GPM6A: variants seen among roughly 807,000 people sequenced by gnomAD.
GPM6A encodes the protein glycoprotein M6A.
In GPM6A, 7 loss-of-function variants were observed where a neutral mutation model predicts 32.1. That is an observed-to-expected ratio of 0.22 (90% confidence interval 0.12 to 0.41). GPM6A has a LOEUF of 0.41. GPM6A is among the 10% of genes least tolerant of loss of function. GPM6A has a pLI of 1.00. For synonymous variants in GPM6A, 130 were observed against 123.4 expected, an observed-to-expected ratio of 1.05 and a Z score of -0.35; for missense variants, 235 against 347.2, an observed-to-expected ratio of 0.68 and a Z score of 2.57.
intron 2 of GPM6A, among the ~76,000 whole-genome samples, chr4:175,678,557 G>A (rs773530574): frequency 6.6e-6 from 1 of 152,156 alleles, no homozygotes; most frequent in Non-Finnish European, 1.5e-5. Context: ...GCAGATGAGA[G>A]AGAGAGAAGA....
At chr4:175,882,792 T>C (rs1002589909) in intron 1 of GPM6A, among the ~76,000 whole-genome samples, 5 of 152,044 alleles carry the variant, frequency 3.3e-5, no homozygotes, top group African/African-American at 4.8e-5. Context: ...AAGGGGTGTG[T>C]GGAAAACACA....
At chr4:175,689,525 T>C (rs1007978802) in intron 2 of GPM6A, among the ~76,000 whole-genome samples, 7 of 152,148 alleles carry the variant, frequency 4.6e-5, no homozygotes, top group Non-Finnish European at 7.4e-5. Context: ...TTTTAAGCCT[T>C]GTTTTATGAG....
At chr4:175,996,560 G>A (rs2126469910) in intron 1 of GPM6A, among the ~76,000 whole-genome samples, 1 of 152,236 alleles carries the variant, frequency 6.6e-6, no homozygotes, top group East Asian at 1.9e-4. Context: ...TCAGACTCAA[G>A]GGAAAATAAG....
chr4:175,976,328 A>ATTTTTTTTTTTTTTTTTTTTTTTTTTTT (rs34163669), intron 1 of GPM6A, among the ~76,000 whole-genome samples: 2 of 137,348 alleles, frequency 1.5e-5, no homozygotes, highest in African/African-American at 6.0e-5. Context: ...CGCCTGGCTA[A>ATTTTTTTTTTTTTTTTTTTTTTTTTTTT]TTTTTTTTTT....
intron 1 of GPM6A, among the ~76,000 whole-genome samples, chr4:175,729,949 A>ATG (rs1309719145): frequency 5.6e-5 from 8 of 142,896 alleles, no homozygotes; most frequent in African/African-American, 2.2e-4. Flanking sequence ...TAATAAATTT[A>ATG]TGTATATATA....
intron 1 of GPM6A, among the ~76,000 whole-genome samples, chr4:175,916,607 G>A (rs1418925040): frequency 1.3e-5 from 2 of 152,072 alleles, no homozygotes; most frequent in Non-Finnish European, 2.9e-5. Context: ...CACACCATGG[G>A]CATCCCTGTG....
chr4:175,706,999 G>A (rs1745229287), intron 1 of GPM6A, among the ~76,000 whole-genome samples: 1 of 152,190 alleles, frequency 6.6e-6, no homozygotes, highest in African/African-American at 2.4e-5. Flanking sequence ...GCAAAGTCAT[G>A]AGGTTACCCT....
At chr4:175,738,897 C>T (rs1008609816) in intron 1 of GPM6A, among the ~76,000 whole-genome samples, 33 of 151,956 alleles carry the variant, frequency 2.2e-4, no homozygotes, top group African/African-American at 6.8e-4. Flanking sequence ...TTATAGGTGG[C>T]GTGGATATCA....
intron 1 of GPM6A, among the ~76,000 whole-genome samples, chr4:175,710,332 A>C (rs1235964000): frequency 1.3e-5 from 2 of 152,120 alleles, no homozygotes; most frequent in African/African-American, 4.8e-5. Context: ...AACCCTATAA[A>C]GTTACCTTCT....
intron 1 of GPM6A, among the ~76,000 whole-genome samples, chr4:175,841,972 T>C (rs1043859091): frequency 6.6e-6 from 1 of 152,130 alleles, no homozygotes; most frequent in East Asian, 1.9e-4. Context: ...GGGTGCTCCT[T>C]CATGAATATA....
At chr4:175,855,987 CAG>C (rs1248560236) in intron 1 of GPM6A, among the ~76,000 whole-genome samples, 1 of 152,062 alleles carries the variant, frequency 6.6e-6, no homozygotes, top group East Asian at 1.9e-4. Context: ...CAGAAGGAAA[CAG>C]AGATCATTGG....
rs187922971 is a variant in GPM6A at position 175,948,759 on chromosome 4, A to G, written c.-23+53550T>C. On this transcript the variant is annotated intron_variant, in intron 1 of 7. Coordinates refer to the GPM6A transcript ENST00000280187. ...TTTCCTTCTGCAGGAATCCTGAAAC[A>G]CTGGCCACAAAGTTATGCTATGGAC... Among the ~76,000 whole-genome samples, 467 of 152,310 alleles carry G rather than the reference A, an allele frequency of 3.1e-3. 2 individuals carry two copies. Among genetic ancestry groups the G allele is most frequent in the Non-Finnish European group, 5.0e-3 (339 of 68,014 alleles).
At chr4:175,678,935 T>C (rs1743528050) in intron 2 of GPM6A, among the ~76,000 whole-genome samples, 1 of 152,222 alleles carries the variant, frequency 6.6e-6, no homozygotes, top group African/African-American at 2.4e-5. Context: ...TCTCATTTAC[T>C]TGATTGTTTT....
intron 1 of GPM6A, among the ~76,000 whole-genome samples, chr4:175,714,458 A>G (rs1026825532): frequency 6.6e-6 from 1 of 152,076 alleles, no homozygotes; most frequent in African/African-American, 2.4e-5. Context: ...ATCGTAGCTC[A>G]CTGCAGCCTT....
chr4:175,963,224 A>G (rs1740223031), intron 1 of GPM6A, among the ~76,000 whole-genome samples: 1 of 152,150 alleles, frequency 6.6e-6, no homozygotes, highest in African/African-American at 2.4e-5. Flanking sequence ...GGGAGAGAAA[A>G]GAACAGAAAA....
At chr4:175,935,240 CCTT>C (rs545774563) in intron 1 of GPM6A, among the ~76,000 whole-genome samples, 1 of 152,126 alleles carries the variant, frequency 6.6e-6, no homozygotes, top group Admixed American at 6.6e-5. Flanking sequence ...AAGAGCCTTC[CCTT>C]CACCTTCCCA....
At chr4:175,837,905 A>G (rs1383225549) in intron 1 of GPM6A, among the ~76,000 whole-genome samples, 1 of 152,132 alleles carries the variant, frequency 6.6e-6, no homozygotes, top group Non-Finnish European at 1.5e-5. Flanking sequence ...TTATGCAAGA[A>G]TAAAAGGGTG....
intron 5 of GPM6A, 46 bp from the exon 6 acceptor site, chr4:175,640,240 T>G (rs1489737468): frequency 6.8e-7 from 1 of 1,470,292 alleles, no homozygotes; most frequent in South Asian, 1.1e-5. Context: ...GAGTTATAGG[T>G]AGAAGAGAAG....
In GPM6A at chr4:175,737,631, C is replaced by T. The variant is rs1011462268; in HGVS notation, c.38-35864G>A. 2.0e-5 allele frequency among the ~76,000 whole-genome samples: 3 copies of T among 152,296 alleles called. No homozygotes were observed. The South Asian group carries it at 6.2e-4, about 32-fold the overall frequency. On this transcript the variant is annotated intron_variant, in intron 1 of 6. Transcript: ENST00000393658. ...TAAGACAATGAACAATAATTGAATA[C>T]TTACTTTGTAAATGTCATGAAAACA...
Sources: gnomAD v4.1 joint callset for allele counts (sites outside exome capture counted in the v4.1 genomes callset) on GRCh38, gnomAD v4.1.1 for gene constraint, MANE v1.5 for transcripts, NCBI Gene and HGNC (gene_info 2026-07-23, HGNC 2026-07-21) for gene names.